Variants in DPP10 observed in about 807,000 individuals in gnomAD.
DPP10 encodes inactive dipeptidyl peptidase 10.
Under a neutral mutation model 120.9 loss-of-function variants are expected in DPP10, and 33 were observed. The observed-to-expected ratio is 0.27, with a 90% CI of 0.21 to 0.37. DPP10 has a LOEUF of 0.37. Among genes scored for constraint, DPP10 ranks in the 10% least tolerant of loss-of-function variants. DPP10 has a pLI of 1.00. For missense variants in DPP10, 816 were observed against 942.8 expected, an observed-to-expected ratio of 0.87 and a Z score of 1.76; for synonymous variants, 337 against 326.1, an observed-to-expected ratio of 1.03 and a Z score of -0.36.
chr2:114,703,941 G>A lies in DPP10; in HGVS notation c.60+261103G>A, dbSNP rs147414142. 2.7e-3 allele frequency among the ~76,000 whole-genome samples: 405 copies of A among 152,142 alleles called. 4 individuals carry two copies. Among genetic ancestry groups the A allele is most frequent in the African/African-American group, 8.7e-3 (363 of 41,514 alleles). Reference sequence around the variant, plus strand: ...AAGAACCCAGAAGTGGGTGATATGAGGAAATATATGCCCCAAAGAAGGGAT... The same window carrying A: ...AAGAACCCAGAAGTGGGTGATATGAAGAAATATATGCCCCAAAGAAGGGAT... On this transcript the variant is annotated intron_variant, in intron 1 of 25. Transcript: ENST00000410059.
rs193220505 is a variant in DPP10, at chr2:115,457,153, C to T, written c.272-42357C>T. Among the ~76,000 whole-genome samples the T allele has an allele frequency of 4.1e-3, 620 of 151,102 alleles. 4 individuals carry two copies. The highest frequency in any genetic ancestry group is 0.014 in the African/African-American group (588 of 41,136). ...CAATTAATTTAAAAAAATAGCAAGGCAATTCAATGAAGGAAAGAATAGTAT... is the reference window on the plus strand; with the variant it reads ...CAATTAATTTAAAAAAATAGCAAGGTAATTCAATGAAGGAAAGAATAGTAT... On this transcript the variant is annotated intron_variant, in intron 3 of 25. Transcript: ENST00000410059.
At chr2:114,595,191 T>A (rs1044645962) in intron 1 of DPP10, among the ~76,000 whole-genome samples, 7 of 152,044 alleles carry the variant, frequency 4.6e-5, no homozygotes, top group Non-Finnish European at 8.8e-5. Context: ...GGTGGTTAGA[T>A]AAGCAAGCAA....
At position 115,480,269 on chromosome 2, in the gene DPP10, A is replaced by G. The variant is rs151226323; in HGVS notation, c.272-19241A>G. Among the ~76,000 whole-genome samples, 1,292 of 152,266 alleles carry G rather than the reference A, an allele frequency of 8.5e-3. 12 individuals are homozygous for G. Among genetic ancestry groups the G allele is most frequent in the Non-Finnish European group, 9.8e-3 (666 of 68,014 alleles). On this transcript the variant is annotated intron_variant, in intron 3 of 25. Coordinates refer to ENST00000410059, the MANE Select transcript of DPP10 (RefSeq NM_020868.6). ...ATATAATAATTTTGTTTATGTAAAT[A>G]TAAGAATTAAATGAGATAAGTATAA... is the stretch of plus-strand genomic sequence containing the variant.
At chr2:115,540,498 AT>A (rs1417221375) in intron 5 of DPP10, among the ~76,000 whole-genome samples, 1 of 151,866 alleles carries the variant, frequency 6.6e-6, no homozygotes, top group African/African-American at 2.4e-5. Flanking sequence ...CATCTTCCTA[AT>A]TCCTTTTCAA....
At chr2:114,597,605 A>G (rs983939013) in intron 1 of DPP10, among the ~76,000 whole-genome samples, 2 of 152,020 alleles carry the variant, frequency 1.3e-5, no homozygotes, top group Non-Finnish European at 2.9e-5. Context: ...AATTTTGTTC[A>G]ACGTTTCAGT....
intron 1 of DPP10, among the ~76,000 whole-genome samples, chr2:114,662,549 G>A (rs539263551): frequency 1.0e-3 from 152 of 152,200 alleles, no homozygotes; most frequent in African/African-American, 3.2e-3. Flanking sequence ...ACCCAGCCCC[G>A]GAAATGAAGA....
In DPP10 at chr2:114,461,547, T is replaced by C. The variant is rs571259901; in HGVS notation, c.60+18709T>C. On this transcript the variant is annotated intron_variant, in intron 1 of 25. Coordinates refer to ENST00000410059, the MANE Select transcript of DPP10 (RefSeq NM_020868.6). ...CTCTTGCCTCCAATAATGATCAACC[T>C]CCTTTTCTAAGACCAGCCTCCTCTT... is the stretch of plus-strand genomic sequence containing the variant. The C allele has an allele frequency of 6.1e-6, 6 of 979,634 alleles. No homozygotes were observed. The East Asian group carries it at 6.8e-4, about 112-fold the overall frequency. 60.7% of individuals were successfully genotyped at this position (979,634 alleles called of 1,614,324 possible).
At chr2:115,388,681 C>G (rs1393936447) in intron 3 of DPP10, among the ~76,000 whole-genome samples, 1 of 152,048 alleles carries the variant, frequency 6.6e-6, no homozygotes, top group East Asian at 1.9e-4. Context: ...TTGTTTTTTT[C>G]TCCTACTAGA....
intron 1 of DPP10, among the ~76,000 whole-genome samples, chr2:114,606,066 T>G (rs1010514425): frequency 3.3e-5 from 5 of 152,158 alleles, no homozygotes; most frequent in African/African-American, 1.2e-4. Context: ...GTTAGTTTTA[T>G]AAAGACATCC....
At chr2:114,471,684 A>G (rs999411388) in intron 1 of DPP10, among the ~76,000 whole-genome samples, 1 of 152,226 alleles carries the variant, frequency 6.6e-6, no homozygotes, top group Non-Finnish European at 1.5e-5. Flanking sequence ...TGAATTTCTT[A>G]TTAGTTTTAG....
intron 5 of DPP10, among the ~76,000 whole-genome samples, chr2:115,643,642 T>C (rs769929813): frequency 6.6e-6 from 1 of 152,216 alleles, no homozygotes; most frequent in African/African-American, 2.4e-5. Context: ...GAATTACTTG[T>C]ACTTTTACTG....
At chr2:115,206,247 G>A (rs190621272) in intron 1 of DPP10, among the ~76,000 whole-genome samples, 2 of 152,156 alleles carry the variant, frequency 1.3e-5, no homozygotes, top group East Asian at 3.9e-4. Flanking sequence ...ATTTATGTTT[G>A]GTAAATATGT....
intron 5 of DPP10, among the ~76,000 whole-genome samples, chr2:115,594,809 G>A (rs758867739): frequency 4.6e-5 from 7 of 151,994 alleles, no homozygotes; most frequent in Non-Finnish European, 7.4e-5. Flanking sequence ...AGGAAATTTG[G>A]TTACTTCTGT....
intron 5 of DPP10, among the ~76,000 whole-genome samples, chr2:115,544,033 A>G (rs2079340894): frequency 6.6e-6 from 1 of 151,892 alleles, no homozygotes; most frequent in African/African-American, 2.4e-5. Flanking sequence ...GGTAAGGAAA[A>G]TAATTAAAGA....
At chr2:114,913,542 G>A (rs1353689931) in intron 1 of DPP10, among the ~76,000 whole-genome samples, 2 of 152,112 alleles carry the variant, frequency 1.3e-5, no homozygotes, top group Non-Finnish European at 1.5e-5. Flanking sequence ...ATCTAAATTC[G>A]ACTTATACCA....
At chr2:115,087,927 G>C (rs1361570486) in intron 1 of DPP10, among the ~76,000 whole-genome samples, 2 of 152,232 alleles carry the variant, frequency 1.3e-5, no homozygotes, top group Middle Eastern at 3.4e-3. Flanking sequence ...TTGAGCCGCT[G>C]TAACAAAATA....
chr2:115,809,323 T>C (rs1263483626), intron 19 of DPP10, among the ~76,000 whole-genome samples: 1 of 152,208 alleles, frequency 6.6e-6, no homozygotes, highest in Non-Finnish European at 1.5e-5. Context: ...ATGCTGCAAC[T>C]AAATCATCAT....
chr2:115,785,305 C>T (rs77834072), intron 17 of DPP10, among the ~76,000 whole-genome samples: 1 of 152,204 alleles, frequency 6.6e-6, no homozygotes, highest in Admixed American at 6.5e-5. Flanking sequence ...TCTCTTTTCA[C>T]TGTGTTTCTG....
intron 1 of DPP10, among the ~76,000 whole-genome samples, chr2:115,080,335 C>T (rs147557894): frequency 7.4e-4 from 113 of 152,238 alleles, no homozygotes; most frequent in African/African-American, 2.6e-3. Context: ...ATATCTTAAA[C>T]TAGAACAATA....
Sources: allele counts gnomAD v4.1 joint callset (sites outside exome capture counted in the v4.1 genomes callset), GRCh38; gene constraint gnomAD v4.1.1; transcripts MANE v1.5; gene names NCBI Gene and HGNC (gene_info 2026-07-23, HGNC 2026-07-21).